Variants in SLC26A9 observed in about 807,000 individuals in gnomAD.
SLC26A9 encodes solute carrier family 26 member 9, also known as anion transporter/exchanger protein 9.
In SLC26A9, 46 loss-of-function variants were observed where a neutral mutation model predicts 87.1. That is an observed-to-expected ratio of 0.53 (90% CI 0.42 to 0.67). The LOEUF (loss-of-function observed/expected upper bound fraction) is 0.67. Ranked by LOEUF, SLC26A9 falls within the 30% of genes least tolerant of loss-of-function variation. The pLI, the probability that SLC26A9 is intolerant of heterozygous loss-of-function variation, is 0.00. For synonymous variants in SLC26A9, 437 were observed against 409.1 expected (o/e 1.07, Z -0.82); for missense variants, 927 against 1,018.3 (o/e 0.91, Z 1.22).
At chr1:205,919,147 G>C (rs1239867097) in intron 18 of SLC26A9, among the ~76,000 whole-genome samples, 162 bp from the exon 19 acceptor site, 1 of 152,228 alleles carries the variant, frequency 6.6e-6, no homozygotes, top group Admixed American at 6.5e-5. Flanking sequence ...ATCAGTTTTG[G>C]ACGGCAGAGG....
rs753696313 is a variant in SLC26A9 at position 205,921,598 on chromosome 1, C to T, written c.2023G>A (p.Val675Met). 9.3e-6 allele frequency: 15 copies of T among 1,610,930 alleles called. No homozygotes were observed. Among genetic ancestry groups the T allele is most frequent in the African/African-American group, 2.7e-5 (2 of 74,872 alleles). The change falls in exon 17 of 21, where the codon GTG becomes ATG. Residue 675 changes from valine to methionine, a missense_variant. Physicochemically the swap from Val to Met is conservative, Grantham distance 21 (BLOSUM62 1). Transcript: ENST00000367135. ...AGGGCCTTGATGCCCATCAAGTCCA[C>T]GAAGCTGACTCCACTCATGTCCAGG... ...LILDMSGVSF[V>M]DLMGIKALAK...
At chr1:205,936,664 A>G (rs966998027) in intron 1 of SLC26A9, among the ~76,000 whole-genome samples, 3 of 152,110 alleles carry the variant, frequency 2.0e-5, no homozygotes, top group Non-Finnish European at 4.4e-5. Flanking sequence ...CAGAGCTGGG[A>G]GAAGTTGCTC....
Position 205,929,318 on chromosome 1 carries a change from G to T in SLC26A9, c.756C>A (p.Asn252Lys). 1 of 1,614,226 alleles carries T rather than the reference G, an allele frequency of 6.2e-7. No homozygotes were observed. Among genetic ancestry groups the T allele is most frequent in the Non-Finnish European group, 8.5e-7 (1 of 1,180,030 alleles). Residue 252 changes from asparagine (N) to lysine (K), a missense_variant, in exon 7 of 21, where the codon AAC becomes AAA. Transcript: ENST00000367135. ...TGAGAGCGAAGATGAGCGAGGCGAT[G>T]TTGGTGTGGGGGAGGTTTTTGCAAA... ...IDICKNLPHT[N>K]IASLIFALIS...
Position 205,930,024 on chromosome 1 carries a change from C to T in SLC26A9, c.585G>A (p.Val195=). 1 of 1,612,594 alleles carries T rather than the reference C, an allele frequency of 6.2e-7. No homozygotes were observed. Among genetic ancestry groups the T allele is most frequent in the Non-Finnish European group, 8.5e-7 (1 of 1,178,738 alleles). Residue 195 remains valine, a synonymous_variant, in exon 6 of 21, where the codon GTG becomes GTA. Coordinates refer to ENST00000367135, the MANE Select transcript of SLC26A9 (RefSeq NM_052934.4). ...MGLGFMQFGF[V]AIYLSESFIR... ...TGAAGGACTCGGAGAGGTAGATGGCCACAAAGCCAAACTGCATGAAGCCCA... is the reference window on the plus strand; with the variant it reads ...TGAAGGACTCGGAGAGGTAGATGGCTACAAAGCCAAACTGCATGAAGCCCA...
At chr1:205,916,840 G>A (rs1431641708) in intron 20 of SLC26A9, among the ~76,000 whole-genome samples, 1 of 152,114 alleles carries the variant, frequency 6.6e-6, no homozygotes, top group African/African-American at 2.4e-5. Context: ...CGTGGCTTAT[G>A]CCTGTAATCC....
chr1:205,934,426 AG>A (rs1659427765), intron 2 of SLC26A9, among the ~76,000 whole-genome samples: 2 of 152,308 alleles, frequency 1.3e-5, no homozygotes, highest in Admixed American at 1.3e-4. Flanking sequence ...AGAGCTGGCT[AG>A]GGAAAGAAAA....
In SLC26A9 at chr1:205,914,995, T is replaced by C. The variant is rs938657656; in HGVS notation, c.*362A>G. The C allele has an allele frequency of 1.2e-6, 2 of 1,614,218 alleles. No homozygotes were observed. The highest frequency in any genetic ancestry group is 1.7e-5 in the Admixed American group (1 of 60,026). On this transcript the variant is annotated 3_prime_UTR_variant, in exon 21 of 21. Coordinates refer to ENST00000367135, the MANE Select transcript of SLC26A9 (RefSeq NM_052934.4). ...GCCAGCACAGTTGTACTTGTCCTTC[T>C]GTTTTTGGCTCACTCGTAAAAGCTG...
At position 205,927,486 on chromosome 1, in the gene SLC26A9, G is replaced by T. The variant is rs768588738; in HGVS notation, c.1215+6C>A. The stretch of plus-strand genomic sequence containing the variant: ...CTCCCCCCAACTCCCCTAGAACAAG[G>T]CTCACCTGGGATTTTCCTCCAGCTC... On this transcript the variant is annotated splice_donor_region_variant and intron_variant, in intron 10 of 20. Transcript: ENST00000367135. The T allele has an allele frequency of 5.0e-6, 8 of 1,613,252 alleles. No individual in the cohort carries two copies. The South Asian group carries it at 8.8e-5, about 18-fold the overall frequency.
At chr1:205,928,165 C>T in intron 8 of SLC26A9, 116 bp from the exon 9 acceptor site, 2 of 1,242,950 alleles carry the variant, frequency 1.6e-6, no homozygotes, top group Non-Finnish European at 2.2e-6. Context: ...GGATCTTTGC[C>T]TAAGTTATCC....
chr1:205,932,172 T>C, intron 4 of SLC26A9, 137 bp from the exon 5 acceptor site: 1 of 980,184 alleles, frequency 1.0e-6, no homozygotes, highest in South Asian at 1.7e-5. Flanking sequence ...AACACAATAA[T>C]AACAACCACT....
chr1:205,915,488 C>A (rs1658551960), intron 20 of SLC26A9, 84 bp from the exon 21 acceptor site: 5 of 1,573,746 alleles, frequency 3.2e-6, no homozygotes, highest in Non-Finnish European at 3.5e-6. Flanking sequence ...CAAGAGGTGA[C>A]CCTAGGAACC....
Position 205,929,230 on chromosome 1 carries a change from A to G in SLC26A9, c.844T>C (p.Phe282Leu). 4 of 1,614,200 alleles carry G rather than the reference A, an allele frequency of 2.5e-6. No individual in the cohort carries two copies. Among genetic ancestry groups the G allele is most frequent in the Non-Finnish European group, 3.4e-6 (4 of 1,180,032 alleles). ...ACAATCATCTCTGTAGGGATGGGGA[A>G]GCGAATCTTGTGCATGTAGCGAGCA... is the stretch of plus-strand genomic sequence containing the variant. ...LNARYMHKIRFPIPTEMIVVV... is the reference protein window; with the variant it reads ...LNARYMHKIRLPIPTEMIVVV... The change falls in exon 7 of 21, where the codon TTC becomes CTC. Residue 282 changes from phenylalanine (F) to leucine (L), a missense_variant. Transcript: ENST00000367135.
intron 7 of SLC26A9, 25 bp from the exon 8 acceptor site, chr1:205,928,934 G>T: frequency 1.1e-5 from 18 of 1,613,884 alleles, no homozygotes; most frequent in Non-Finnish European, 1.5e-5. Flanking sequence ...GTGGAGAATG[G>T]GGATTGGCCC....
chr1:205,938,845 C>T (rs1183166859), intron 1 of SLC26A9, among the ~76,000 whole-genome samples: 1 of 152,146 alleles, frequency 6.6e-6, no homozygotes. Flanking sequence ...CTAGTGTTGG[C>T]TTTGGCCATT....
Position 205,930,052 on chromosome 1 carries a change from C to T in SLC26A9, c.557G>A (p.Gly186Asp), listed in dbSNP as rs750639572. The T allele has an allele frequency of 3.8e-6, 6 of 1,599,878 alleles. No homozygotes were observed. Among genetic ancestry groups the T allele is most frequent in the Non-Finnish European group, 5.1e-6 (6 of 1,168,458 alleles). ...AAAGCCAAACTGCATGAAGCCCAGA[C>T]CCATCTGAGAGGAGGAAAAGGGTGG... Reference protein sequence around the residue: ...LACLTAIIQMGLGFMQFGFVA... With the variant: ...LACLTAIIQMDLGFMQFGFVA... The change falls in exon 6 of 21, where the codon GGT (glycine) becomes GAT (aspartate). Residue 186 changes from glycine (G) to aspartate (D), a missense_variant. Coordinates refer to ENST00000367135, the MANE Select transcript of SLC26A9 (RefSeq NM_052934.4).
chr1:205,932,959 A>G lies in SLC26A9; in HGVS notation c.251T>C (p.Ile84Thr). The G allele has an allele frequency of 6.2e-7, 1 of 1,614,028 alleles. No individual in the cohort carries two copies. The highest frequency in any genetic ancestry group is 1.3e-5 in the African/African-American group (1 of 75,010). ...AGCCCCTTCACCTTGTGGGACCTGGATGGATCCCCCGCTGAGTCCACCGAG... is the reference window on the plus strand; with the variant it reads ...AGCCCCTTCACCTTGTGGGACCTGGGTGGATCCCCCGCTGAGTCCACCGAG... The part of the protein sequence containing the change: ...DLLGGLSGGS[I>T]QVPQGMAFAL... Residue 84 changes from isoleucine to threonine, a missense_variant, in exon 3 of 21, where the codon ATC (isoleucine) becomes ACC (threonine). Transcript: ENST00000367135.
chr1:205,935,827 G>A lies in SLC26A9; in HGVS notation c.-7C>T. On this transcript the variant is annotated 5_prime_UTR_variant, in exon 2 of 21. Transcript: ENST00000367135. ...GGGGCCTGGGCTGGCTCATATCTGG[G>A]GCATTTACAAGCTTTGGGAGAAGCA... is the stretch of plus-strand genomic sequence containing the variant. 1 of 1,612,288 alleles carries A rather than the reference G, an allele frequency of 6.2e-7. No homozygotes were observed. Among genetic ancestry groups the A allele is most frequent in the Non-Finnish European group, 8.5e-7 (1 of 1,178,846 alleles).
intron 8 of SLC26A9, chr1:205,928,393 C>A (rs896142722): frequency 1.5e-4 from 59 of 386,720 alleles, no homozygotes; most frequent in East Asian, 1.1e-3. Context: ...CCCTCCCTTG[C>A]CTGTTCCAAC....
chr1:205,919,854 G>T (rs1571730898), intron 18 of SLC26A9, among the ~76,000 whole-genome samples: 1 of 152,308 alleles, frequency 6.6e-6, no homozygotes, highest in Middle Eastern at 3.4e-3. Flanking sequence ...TACATAGGTA[G>T]AAATAGATCC....
Sources: gnomAD v4.1 joint callset for allele counts (sites outside exome capture counted in the v4.1 genomes callset) on GRCh38, gnomAD v4.1.1 for gene constraint, MANE v1.5 for transcripts, NCBI Gene and HGNC (gene_info 2026-07-23, HGNC 2026-07-21) for gene names.